The following CMIP variants were observed in gnomAD, a reference collection of about 807,000 sequenced individuals.
CMIP encodes the protein C-Maf-inducing protein.
In CMIP, 13 loss-of-function variants were observed where a neutral mutation model predicts 97.3. The observed-to-expected ratio is 0.13, with a 90% CI of 0.09 to 0.21. The LOEUF (loss-of-function observed/expected upper bound fraction) is 0.21, where lower values mean the gene tolerates loss of function less well. CMIP is among the 10% of genes least tolerant of loss of function. The pLI is 1.00. For missense variants in CMIP, 847 were observed against 1,024.9 expected (o/e 0.83, Z 2.37); for synonymous variants, 538 against 436.3 (o/e 1.23, Z -2.91).
At chr16:81,558,978 C>G (rs1409174816) in intron 1 of CMIP, among the ~76,000 whole-genome samples, 2 of 152,208 alleles carry the variant, frequency 1.3e-5, no homozygotes, top group Non-Finnish European at 2.9e-5. Context: ...TGAGTAAACA[C>G]CCAGCCCTCT....
intron 1 of CMIP, among the ~76,000 whole-genome samples, chr16:81,487,793 C>T (rs558835460): frequency 1.3e-5 from 2 of 152,360 alleles, no homozygotes; most frequent in African/African-American, 2.4e-5. Flanking sequence ...GGAGTAAAGG[C>T]TCAAGAGCTG....
intron 1 of CMIP, chr16:81,517,750 A>C (rs2089944348): frequency 6.4e-6 from 1 of 155,858 alleles, no homozygotes; most frequent in South Asian, 2.1e-4. Flanking sequence ...TTTTTTCCTG[A>C]AGAAATGTGG....
intron 11 of CMIP, among the ~76,000 whole-genome samples, chr16:81,692,060 A>G (rs963521269): frequency 2.6e-5 from 4 of 152,178 alleles, no homozygotes; most frequent in African/African-American, 7.2e-5. Context: ...GAACAGGGAC[A>G]TTGTAGGAGC....
intron 1 of CMIP, among the ~76,000 whole-genome samples, chr16:81,447,423 C>G (rs1467666212): frequency 6.6e-6 from 1 of 151,988 alleles, no homozygotes; most frequent in Admixed American, 6.5e-5. Context: ...GCTCTCGAGG[C>G]TAATGCCTCC....
rs114144828 is a variant in CMIP, at chr16:81,507,564, C to T, written c.300+62023C>T. Among the ~76,000 whole-genome samples, 566 of 152,244 alleles carry T rather than the reference C, an allele frequency of 3.7e-3. 5 individuals are homozygous for T. The highest frequency in any genetic ancestry group is 0.013 in the African/African-American group (549 of 41,518). On this transcript the variant is annotated intron_variant, in intron 1 of 20. Coordinates refer to ENST00000537098, the MANE Select transcript of CMIP (RefSeq NM_198390.3). The stretch of plus-strand genomic sequence containing the variant: ...GAAAGGTTAAGTCGTTTAATTGGTG[C>T]GTAATGTAAAACATGGCTCCCCTTT...
chr16:81,661,626 C>T (rs955615487), intron 6 of CMIP, among the ~76,000 whole-genome samples: 2 of 152,220 alleles, frequency 1.3e-5, no homozygotes, highest in African/African-American at 2.4e-5. Context: ...CACGGTCACC[C>T]GCTGTCCTTT....
At chr16:81,698,914 G>A (rs987472526) in intron 14 of CMIP, among the ~76,000 whole-genome samples, 1 of 152,164 alleles carries the variant, frequency 6.6e-6, no homozygotes, top group Non-Finnish European at 1.5e-5. Flanking sequence ...CTTTTATAAT[G>A]GCAGGAGATT....
At chr16:81,706,930 T>G in intron 19 of CMIP, 84 bp from the exon 20 acceptor site, 1 of 1,174,296 alleles carries the variant, frequency 8.5e-7, no homozygotes, top group Non-Finnish European at 1.3e-6. Context: ...GGCACCTGCA[T>G]TGAGCTCCTC....
chr16:81,445,148 G>T lies in CMIP; in HGVS notation c.-94G>T, dbSNP rs1905746348. The stretch of plus-strand genomic sequence containing the variant: ...ACCCCCCCACCTTCCCGGGGGGTGG[G>T]GGGGTGCGGGCCGCCGGATCCGGGG... On this transcript the variant is annotated 5_prime_UTR_variant, in exon 1 of 21. Transcript: ENST00000537098. 1.5e-6 allele frequency: 1 copy of T among 675,462 alleles called. No homozygotes were observed. The highest frequency in any genetic ancestry group is 2.2e-6 in the Non-Finnish European group (1 of 457,380). The allele number at this position is 675,462 out of a possible 1,614,324, so 41.8% of individuals were successfully genotyped here.
intron 1 of CMIP, among the ~76,000 whole-genome samples, chr16:81,504,669 AAAG>A (rs2089675025): frequency 1.3e-5 from 2 of 149,456 alleles, no homozygotes; most frequent in South Asian, 2.1e-4. Flanking sequence ...AAAAAAAAGA[AAAG>A]AAAAGAAAAA....
intron 1 of CMIP, chr16:81,476,440 T>A (rs1907923739): frequency 1.0e-6 from 1 of 959,502 alleles, no homozygotes; most frequent in African/African-American, 1.6e-5. Context: ...TGGAAACTTG[T>A]TTGCAAACAG....
intron 19 of CMIP, 51 bp from the exon 20 acceptor site, chr16:81,706,963 C>A: frequency 6.5e-7 from 1 of 1,544,732 alleles, no homozygotes; most frequent in Non-Finnish European, 8.9e-7. Flanking sequence ...CCCATACCTT[C>A]ATACCTTTGG....
chr16:81,588,083 A>G (rs2091411392), intron 1 of CMIP, among the ~76,000 whole-genome samples: 2 of 152,244 alleles, frequency 1.3e-5, no homozygotes, highest in Middle Eastern at 6.8e-3. Flanking sequence ...CTCCAAGAGG[A>G]CCGAGGCTTT....
intron 1 of CMIP, among the ~76,000 whole-genome samples, chr16:81,530,675 C>T (rs995548435): frequency 1.3e-5 from 2 of 152,100 alleles, no homozygotes; most frequent in Non-Finnish European, 2.9e-5. Flanking sequence ...GCTGGGTGCC[C>T]GCGTGGCTGC....
chr16:81,591,622 G>A (rs529448242), intron 1 of CMIP, among the ~76,000 whole-genome samples: 1 of 152,124 alleles, frequency 6.6e-6, no homozygotes, highest in African/African-American at 2.4e-5. Flanking sequence ...TGAGGAACAG[G>A]CAGAGCTAAT....
chr16:81,524,648 G>A (rs1053738308), intron 1 of CMIP, among the ~76,000 whole-genome samples: 1 of 152,234 alleles, frequency 6.6e-6, no homozygotes, highest in African/African-American at 2.4e-5. Context: ...TGCCCACGGT[G>A]GCACAGCTCA....
At chr16:81,698,535 G>A (rs569471661) in intron 14 of CMIP, among the ~76,000 whole-genome samples, 57 of 152,308 alleles carry the variant, frequency 3.7e-4, no homozygotes, top group South Asian at 8.3e-4. Flanking sequence ...TTCCAGCGGT[G>A]CCAGGAATTC....
chr16:81,606,555 G>A lies in CMIP; in HGVS notation c.301-1012G>A, dbSNP rs149477652. On this transcript the variant is annotated intron_variant, in intron 1 of 20. Coordinates refer to ENST00000537098, the MANE Select transcript of CMIP (RefSeq NM_198390.3). ...GGTGGCTGTGGATTTATCTTGCCCC[G>A]CCCCTACTCCCAACAATGACCAATA... Among the ~76,000 whole-genome samples the A allele has an allele frequency of 5.2e-3, 791 of 152,150 alleles. 4 individuals are homozygous for A. The highest frequency in any genetic ancestry group is 0.018 in the African/African-American group (734 of 41,498).
intron 1 of CMIP, among the ~76,000 whole-genome samples, chr16:81,501,287 G>T (rs765520638): frequency 6.6e-6 from 1 of 152,218 alleles, no homozygotes; most frequent in African/African-American, 2.4e-5. Flanking sequence ...GGGTTGTGAC[G>T]CACGGGCAGC....
Sources: allele counts gnomAD v4.1 joint callset (sites outside exome capture counted in the v4.1 genomes callset), GRCh38; gene constraint gnomAD v4.1.1; transcripts MANE v1.5; gene names NCBI Gene and HGNC (gene_info 2026-07-23, HGNC 2026-07-21).